Variants in TENM3 observed in about 807,000 individuals in gnomAD.
TENM3 encodes the protein teneurin-3.
In TENM3, 63 loss-of-function variants were observed where a neutral mutation model predicts 255.1. The ratio of observed to expected loss-of-function variants is 0.25; its 90% CI spans 0.20 to 0.30. The LOEUF (loss-of-function observed/expected upper bound fraction) is 0.30, where lower values mean the gene tolerates loss of function less well. Ranked by LOEUF, TENM3 falls within the 10% of genes least tolerant of loss-of-function variation. TENM3 has a pLI of 1.00. For synonymous variants in TENM3, 1,306 were observed against 1,322.3 expected (o/e 0.99, Z 0.27); for missense variants, 2,929 against 3,461.1 (o/e 0.85, Z 3.86).
the TENM3 span, among the ~76,000 whole-genome samples, chr4:181,577,164 ATATATATTATATTATAT>A: frequency 7.5e-6 from 1 of 132,598 alleles, no homozygotes; most frequent in African/African-American, 2.8e-5. Flanking sequence ...TATATAAATA[ATATATATTATATTATAT>A]TATATATTAT....
chr4:182,426,007 C>CAAAAAAAAAAAAAA (rs55836889), intron 3 of TENM3, among the ~76,000 whole-genome samples: 13 of 90,726 alleles, frequency 1.4e-4, no homozygotes, highest in African/African-American at 2.2e-4. Flanking sequence ...GAGTCCATGT[C>CAAAAAAAAAAAAAA]AAAAAAAAAA....
chr4:181,572,533 A>G, the TENM3 span, among the ~76,000 whole-genome samples: 1 of 152,254 alleles, frequency 6.6e-6, no homozygotes, highest in Admixed American at 6.5e-5. Flanking sequence ...TGAACTTGCT[A>G]CTTTCTTACA....
chr4:182,254,075 G>T (rs1025500495), intron 1 of TENM3, among the ~76,000 whole-genome samples: 1 of 151,976 alleles, frequency 6.6e-6, no homozygotes, highest in Admixed American at 6.6e-5. Flanking sequence ...TTATTATATT[G>T]AAGTGGACAT....
At chr4:181,838,332 C>T in the TENM3 span, among the ~76,000 whole-genome samples, 10 of 152,218 alleles carry the variant, frequency 6.6e-5, no homozygotes, top group African/African-American at 1.2e-4. Flanking sequence ...TCTGGTAATA[C>T]GCTTTTTTGC....
the TENM3 span, among the ~76,000 whole-genome samples, chr4:181,844,374 T>C: frequency 1.3e-5 from 2 of 152,132 alleles, no homozygotes; most frequent in Non-Finnish European, 2.9e-5. Context: ...TTTAATTCTA[T>C]TTATTTCTCC....
intron 3 of TENM3, among the ~76,000 whole-genome samples, chr4:182,516,164 T>C (rs1309983592): frequency 6.6e-6 from 1 of 152,192 alleles, no homozygotes; most frequent in African/African-American, 2.4e-5. Flanking sequence ...TTAATGTGAG[T>C]GAGTAGAAAT....
intron 14 of TENM3, among the ~76,000 whole-genome samples, chr4:182,729,714 G>A (rs986846584): frequency 6.6e-6 from 1 of 152,052 alleles, no homozygotes; most frequent in Non-Finnish European, 1.5e-5. Flanking sequence ...AGAACTCCTG[G>A]GTCTGCAGTA....
At chr4:182,683,355 A>G (rs575048250) in intron 11 of TENM3, among the ~76,000 whole-genome samples, 58 of 152,316 alleles carry the variant, frequency 3.8e-4, no homozygotes, top group African/African-American at 1.3e-3. Context: ...CTGAAATTCA[A>G]AATGCTTCAA....
At chr4:182,001,840 G>A in the TENM3 span, among the ~76,000 whole-genome samples, 1 of 152,068 alleles carries the variant, frequency 6.6e-6, no homozygotes, top group Non-Finnish European at 1.5e-5. Context: ...TATTCTATAT[G>A]AGAGACCTAA....
chr4:182,533,967 T>G (rs1740029824), intron 3 of TENM3, among the ~76,000 whole-genome samples: 1 of 152,170 alleles, frequency 6.6e-6, no homozygotes, highest in Admixed American at 6.5e-5. Flanking sequence ...CATGAGCCAC[T>G]TAGTGTTTAC....
the TENM3 span, among the ~76,000 whole-genome samples, chr4:181,607,438 C>T: frequency 2.7e-5 from 4 of 147,468 alleles, no homozygotes; most frequent in South Asian, 2.1e-4. Flanking sequence ...CTTTTTGAGA[C>T]GGAGTCTCAC....
chr4:181,721,757 T>C, the TENM3 span, among the ~76,000 whole-genome samples: 2 of 151,752 alleles, frequency 1.3e-5, no homozygotes, highest in African/African-American at 4.8e-5. Context: ...TTAATAGACC[T>C]GGTGGCCTAG....
chr4:181,824,143 T>G, the TENM3 span, among the ~76,000 whole-genome samples: 2 of 152,112 alleles, frequency 1.3e-5, no homozygotes, highest in African/African-American at 4.8e-5. Flanking sequence ...ACTCTGCCAC[T>G]CAGGCTGGAG....
At chr4:182,552,534 A>G (rs1276446497) in intron 3 of TENM3, among the ~76,000 whole-genome samples, 1 of 152,252 alleles carries the variant, frequency 6.6e-6, no homozygotes, top group East Asian at 1.9e-4. Context: ...CTGAAACTTG[A>G]AGAGTGTTCT....
intron 5 of TENM3, among the ~76,000 whole-genome samples, chr4:182,638,374 A>G (rs1752022908): frequency 6.6e-6 from 1 of 152,162 alleles, no homozygotes; most frequent in South Asian, 2.1e-4. Context: ...CTACATCGCA[A>G]AAGCTGTTTG....
At chr4:182,314,577 TA>T (rs1444039830) in intron 1 of TENM3, among the ~76,000 whole-genome samples, 1 of 152,252 alleles carries the variant, frequency 6.6e-6, no homozygotes, top group African/African-American at 2.4e-5. Flanking sequence ...TTGGTGTGTG[TA>T]AATTATTTAT....
At chr4:181,879,312 G>C in the TENM3 span, among the ~76,000 whole-genome samples, 1 of 152,044 alleles carries the variant, frequency 6.6e-6, no homozygotes, top group South Asian at 2.1e-4. Flanking sequence ...GAGAGGGAGG[G>C]AGGAAGGAAG....
the TENM3 span, among the ~76,000 whole-genome samples, chr4:182,011,950 C>T: frequency 6.6e-6 from 1 of 152,288 alleles, no homozygotes; most frequent in African/African-American, 2.4e-5. Flanking sequence ...GAATCACAGA[C>T]TAAGCCCATT....
the TENM3 span, among the ~76,000 whole-genome samples, chr4:181,453,950 G>T: frequency 6.6e-6 from 1 of 152,010 alleles, no homozygotes; most frequent in Non-Finnish European, 1.5e-5. Context: ...ACAATCATGG[G>T]CATGTTCATT....
Sources: gnomAD v4.1 joint callset for allele counts (sites outside exome capture counted in the v4.1 genomes callset) on GRCh38, gnomAD v4.1.1 for gene constraint, MANE v1.5 for transcripts, NCBI Gene and HGNC (gene_info 2026-07-23, HGNC 2026-07-21) for gene names.